Variants in GCFC2 observed in about 807,000 individuals in gnomAD.
The protein encoded by GCFC2 is GC-rich sequence DNA-binding factor 2.
In GCFC2, 102 loss-of-function variants were observed where a neutral mutation model predicts 99.4. The observed-to-expected ratio is 1.03, with a 90% CI of 0.87 to 1.21. The LOEUF (loss-of-function observed/expected upper bound fraction) is 1.21. Ranked by LOEUF, GCFC2 falls within the 50% of genes most tolerant of loss-of-function variation. The pLI is 0.00. For synonymous variants in GCFC2, 338 were observed against 316.8 expected, an observed-to-expected ratio of 1.07 and a Z score of -0.71; for missense variants, 973 against 920.9, an observed-to-expected ratio of 1.06 and a Z score of -0.73.
At chr2:75,691,408 T>C (rs2104347961) in intron 7 of GCFC2, among the ~76,000 whole-genome samples, 1 of 152,330 alleles carries the variant, frequency 6.6e-6, no homozygotes, top group African/African-American at 2.4e-5. Flanking sequence ...TTATTTCTTA[T>C]TTTAATACGT....
Position 75,689,291 on chromosome 2 carries a change from C to T in GCFC2, c.1340-66G>A, listed in dbSNP as rs1679950648. 3 of 848,030 alleles carry T rather than the reference C, an allele frequency of 3.5e-6. No homozygotes were observed. In the Admixed American group the frequency reaches 6.6e-5, roughly 19 times the overall value. The allele number at this position is 848,030 out of a possible 1,614,324, so 52.5% of individuals were successfully genotyped here. Reference sequence around the variant, plus strand: ...AACTTTAAGTATGCTTCCTTAAAAACACGGTCATGATGGACTGTAATCAAT... The same window carrying T: ...AACTTTAAGTATGCTTCCTTAAAAATACGGTCATGATGGACTGTAATCAAT... On this transcript the variant is annotated intron_variant, in intron 9 of 16. Coordinates refer to ENST00000321027, the MANE Select transcript of GCFC2 (RefSeq NM_003203.5).
chr2:75,666,615 A>G (rs1418437434), intron 15 of GCFC2, among the ~76,000 whole-genome samples: 1 of 152,106 alleles, frequency 6.6e-6, no homozygotes, highest in Non-Finnish European at 1.5e-5. Context: ...TCTTTTGGAA[A>G]TGGAAATTAC....
At chr2:75,683,042 T>C (rs1679647211) in intron 11 of GCFC2, among the ~76,000 whole-genome samples, 1 of 151,882 alleles carries the variant, frequency 6.6e-6, no homozygotes, top group East Asian at 1.9e-4. Context: ...CCGGAAGAAC[T>C]TCCCCAACAC....
Position 75,673,483 on chromosome 2 carries a change from G to A in GCFC2, c.1850C>T (p.Ala617Val), listed in dbSNP as rs1217885254. Reference sequence around the variant, plus strand: ...AGGAATAAAAACATCATCTTCTACTGCCTTTTTCATTCTTGAAACAATGGA... The same window carrying A: ...AGGAATAAAAACATCATCTTCTACTACCTTTTTCATTCTTGAAACAATGGA... ...LKSIVSRMKKAVEDDVFIPLY... is the reference protein window; with the variant it reads ...LKSIVSRMKKVVEDDVFIPLY... The change falls in exon 13 of 17, where the codon GCA becomes GTA. Residue 617 changes from alanine to valine, a missense_variant. Physicochemically the swap from Ala to Val is moderately conservative, Grantham distance 64. Transcript: ENST00000321027. 5.6e-6 allele frequency: 8 copies of A among 1,427,088 alleles called. No individual in the cohort carries two copies. The South Asian group carries it at 9.2e-5, about 16-fold the overall frequency. 88.4% of individuals were successfully genotyped at this position (1,427,088 alleles called of 1,614,324 possible).
At position 75,680,313 on chromosome 2, in the gene GCFC2, G is replaced by A. The variant is rs1679517910; in HGVS notation, c.1692C>T (p.Asp564=). 1.2e-6 allele frequency: 2 copies of A among 1,608,514 alleles called. No homozygotes were observed. Among genetic ancestry groups the A allele is most frequent in the African/African-American group, 1.3e-5 (1 of 74,758 alleles). The change falls in exon 12 of 17, where the codon GAC becomes GAT. Residue 564 remains aspartate, a splice_region_variant and synonymous_variant. Coordinates refer to ENST00000321027, the MANE Select transcript of GCFC2 (RefSeq NM_003203.5). ...AAGGATCCCAAAGGAATTCTACAAA[G>A]TCTGAAACAAATATTTCAGTGGTAC... is the stretch of plus-strand genomic sequence containing the variant. ...INKTIIPRLT[D]FVEFLWDPLS...
Position 75,690,352 on chromosome 2 carries a change from C to T in GCFC2, c.1227-271G>A, listed in dbSNP as rs961074210. 8.0e-6 allele frequency: 4 copies of T among 501,480 alleles called. No individual in the cohort carries two copies. In the Admixed American group the frequency reaches 1.6e-4, roughly 20 times the overall value. The allele number at this position is 501,480 out of a possible 1,614,324, so 31.1% of individuals were successfully genotyped here. On this transcript the variant is annotated intron_variant, in intron 8 of 16. Coordinates refer to ENST00000321027, the MANE Select transcript of GCFC2 (RefSeq NM_003203.5). ...ATTTAGGACATTCCCATGGGCTAAC[C>T]AGATTCCGAAGAGGGGGTAATTATA...
intron 12 of GCFC2, among the ~76,000 whole-genome samples, chr2:75,677,891 T>C (rs566380347): frequency 3.9e-5 from 6 of 151,980 alleles, no homozygotes; most frequent in South Asian, 2.1e-4. Flanking sequence ...GGCAGGAGAA[T>C]TGCTTGAACC....
chr2:75,670,961 T>C (rs1679067721), intron 14 of GCFC2, among the ~76,000 whole-genome samples: 1 of 152,174 alleles, frequency 6.6e-6, no homozygotes, highest in African/African-American at 2.4e-5. Context: ...AGAAAGCCTT[T>C]TCCCTGATTC....
chr2:75,700,494 T>C (rs531953790), intron 4 of GCFC2, among the ~76,000 whole-genome samples: 2 of 152,124 alleles, frequency 1.3e-5, no homozygotes, highest in Non-Finnish European at 2.9e-5. Context: ...TGCGGTGAGA[T>C]GTCTCTGTTG....
intron 11 of GCFC2, among the ~76,000 whole-genome samples, chr2:75,680,920 T>C (rs929058455): frequency 6.6e-6 from 1 of 152,202 alleles, no homozygotes; most frequent in Admixed American, 6.5e-5. Context: ...TTGTCTCCTA[T>C]TCCTATGGAT....
rs1244061353 is a variant in GCFC2, at chr2:75,664,679, A to G, written c.2333T>C (p.Ile778Thr). 7.2e-7 allele frequency: 1 copy of G among 1,388,044 alleles called. No homozygotes were observed. Among genetic ancestry groups the G allele is most frequent in the Non-Finnish European group, 1.0e-6 (1 of 981,542 alleles). 86.0% of individuals were successfully genotyped at this position (1,388,044 alleles called of 1,614,324 possible). ...EHHLDHLKSLIKED is the reference protein window; with the variant it reads ...EHHLDHLKSLTKED Reference sequence around the variant, plus strand: ...AATAAAGTTTATTCAATCTTCTTTAATTAGTGATTTAAGATGGTCTAGGTG... The same window carrying G: ...AATAAAGTTTATTCAATCTTCTTTAGTTAGTGATTTAAGATGGTCTAGGTG... The change falls in exon 17 of 17, where the codon ATT (isoleucine) becomes ACT (threonine). Residue 778 changes from isoleucine (I) to threonine (T), a missense_variant. Coordinates refer to ENST00000321027, the MANE Select transcript of GCFC2 (RefSeq NM_003203.5).
At chr2:75,677,674 G>A (rs373847533) in intron 12 of GCFC2, among the ~76,000 whole-genome samples, 6 of 152,134 alleles carry the variant, frequency 3.9e-5, no homozygotes, top group East Asian at 3.8e-4. Flanking sequence ...ACAGCAGAGC[G>A]GTTTCAGAAT....
rs747758550 is a variant in GCFC2, at chr2:75,690,073, CTTT to C, written c.1232_1234del (p.Lys411del). On this transcript the variant is annotated inframe_deletion, in exon 9 of 17. Coordinates refer to ENST00000321027, the MANE Select transcript of GCFC2 (RefSeq NM_003203.5). ...CCCAGAAAGCACCCTTGCTTGTCTTCTTTTTGTCCTATATTTTGCAACAAACCA... is the reference window on the plus strand; with the variant it reads ...CCCAGAAAGCACCCTTGCTTGTCTTCTTGTCCTATATTTTGCAACAAACCA... 2 of 1,592,702 alleles carry C rather than the reference CTTT, an allele frequency of 1.3e-6. No individual in the cohort carries two copies. The highest frequency in any genetic ancestry group is 2.7e-5 in the African/African-American group (2 of 74,368).
chr2:75,700,340 T>C (rs1463959373), intron 4 of GCFC2, among the ~76,000 whole-genome samples: 3 of 152,180 alleles, frequency 2.0e-5, no homozygotes. Flanking sequence ...AACATATTTG[T>C]GTATAATATT....
intron 1 of GCFC2, among the ~76,000 whole-genome samples, chr2:75,710,124 TAAAC>T (rs550889003): frequency 7.2e-4 from 109 of 152,204 alleles, no homozygotes; most frequent in African/African-American, 2.4e-3. Context: ...AAAAAGAAAA[TAAAC>T]AAAGGGGAAT....
chr2:75,687,587 G>C (rs1679876095), intron 11 of GCFC2, among the ~76,000 whole-genome samples: 1 of 152,186 alleles, frequency 6.6e-6, no homozygotes, highest in Non-Finnish European at 1.5e-5. Context: ...TGGAACTGCT[G>C]ATGATACGTC....
At chr2:75,692,130 AG>A in intron 6 of GCFC2, 30 bp from the exon 7 acceptor site, 1 of 1,113,380 alleles carries the variant, frequency 9.0e-7, no homozygotes, top group Non-Finnish European at 1.2e-6. Context: ...AACATTTTGC[AG>A]GTCATCGATA....
chr2:75,692,020 T>C lies in GCFC2; in HGVS notation c.1101A>G (p.Gln367=), dbSNP rs1680094737. The part of the protein sequence containing the change: ...KQAMTFMKRR[Q]DELKHESTYL... ...ACGTTGATTCATGTTTTAATTCATC[T>C]TGCCTGCGTTTCATAAAGGTCATAG... is the stretch of plus-strand genomic sequence containing the variant. Residue 367 remains glutamine (Q), a synonymous_variant, in exon 7 of 17, where the codon CAA becomes CAG. Coordinates refer to ENST00000321027, the MANE Select transcript of GCFC2 (RefSeq NM_003203.5). The C allele has an allele frequency of 6.4e-7, 1 of 1,565,810 alleles. No individual in the cohort carries two copies. The highest frequency in any genetic ancestry group is 1.8e-5 in the Admixed American group (1 of 56,998).
chr2:75,670,203 G>A lies in GCFC2; in HGVS notation c.2038C>T (p.Arg680Cys), dbSNP rs773928373. The A allele has an allele frequency of 6.9e-6, 11 of 1,604,762 alleles. No homozygotes were observed. The highest frequency in any genetic ancestry group is 1.7e-5 in the Admixed American group (1 of 60,010). The change falls in exon 15 of 17, where the codon CGT (arginine) becomes TGT (cysteine). Residue 680 changes from arginine to cysteine, a missense_variant. Arg to Cys is a radical substitution (Grantham distance 180, BLOSUM62 -3). Transcript: ENST00000321027. The part of the protein sequence containing the change: ...QELGLGKLLN[R>C]YLIIALLNAT... ...TTGAGAAGTGCTATAATAAGGTAAC[G>A]ATTTAGCAGCTTCCCTAGTCCTAGT...
Sources: gnomAD v4.1 joint callset for allele counts (sites outside exome capture counted in the v4.1 genomes callset) on GRCh38, gnomAD v4.1.1 for gene constraint, MANE v1.5 for transcripts, NCBI Gene and HGNC (gene_info 2026-07-23, HGNC 2026-07-21) for gene names.